Variants in TENT2 observed in about 807,000 individuals in gnomAD.
TENT2 encodes the protein terminal nucleotidyltransferase 2.
In TENT2, 44 loss-of-function variants were observed where a neutral mutation model predicts 72.2. The ratio of observed to expected loss-of-function variants is 0.61; its 90% confidence interval spans 0.48 to 0.78. TENT2 has a LOEUF of 0.78. Among genes scored for constraint, TENT2 ranks in the 30% least tolerant of loss-of-function variants. The pLI, the probability that TENT2 is intolerant of heterozygous loss-of-function variation, is 0.00. For synonymous variants in TENT2, 212 were observed against 192.5 expected, an observed-to-expected ratio of 1.10 and a Z score of -0.84; for missense variants, 541 against 569.6, an observed-to-expected ratio of 0.95 and a Z score of 0.51.
chr5:79,638,174 G>C (rs988167329), intron 4 of TENT2, among the ~76,000 whole-genome samples: 1 of 151,856 alleles, frequency 6.6e-6, no homozygotes, highest in Admixed American at 6.6e-5. Context: ...CTTTTATCTA[G>C]AGTAGAATTT....
intron 11 of TENT2, among the ~76,000 whole-genome samples, chr5:79,657,565 G>GA (rs1168756655): frequency 1.3e-5 from 2 of 152,086 alleles, no homozygotes; most frequent in Admixed American, 1.3e-4. Context: ...GTGGCCACTA[G>GA]AAAAAATTTA....
Position 79,640,839 on chromosome 5 carries a change from G to C in TENT2, c.466-12G>C. 6.4e-7 allele frequency: 1 copy of C among 1,555,734 alleles called. No individual in the cohort carries two copies. The highest frequency in any genetic ancestry group is 8.7e-7 in the Non-Finnish European group (1 of 1,145,878). ...GAACAAAACTTTTACTTTTTTTTGC[G>C]GTGGATTCAAGTTGAGTCAGCAGAT... On this transcript the variant is annotated splice_polypyrimidine_tract_variant and intron_variant, in intron 4 of 14. Transcript: ENST00000453514.
At chr5:79,616,716 G>A (rs1336648347) in intron 1 of TENT2, among the ~76,000 whole-genome samples, 1 of 152,200 alleles carries the variant, frequency 6.6e-6, no homozygotes, top group African/African-American at 2.4e-5. Context: ...GAGGAAATAT[G>A]ACAGGATTAT....
intron 11 of TENT2, among the ~76,000 whole-genome samples, chr5:79,659,473 A>G (rs759831654): frequency 6.1e-4 from 85 of 140,114 alleles, no homozygotes; most frequent in Non-Finnish European, 6.2e-4. Context: ...CGGAGGTTGC[A>G]GTGAGCCCAG....
intron 4 of TENT2, among the ~76,000 whole-genome samples, chr5:79,632,190 A>G (rs1307716276): frequency 6.6e-6 from 1 of 152,208 alleles, no homozygotes; most frequent in Non-Finnish European, 1.5e-5. Flanking sequence ...ATTCATTAAT[A>G]ATAATAGTGA....
rs1485701762 is a variant in TENT2 at position 79,612,462 on chromosome 5, C to T, written c.-651C>T. 6.6e-6 allele frequency: 1 copy of T among 151,812 alleles called. No individual in the cohort carries two copies. The highest frequency in any genetic ancestry group is 2.4e-5 in the African/African-American group (1 of 41,132). 9.4% of individuals were successfully genotyped at this position (151,812 alleles called of 1,614,324 possible). ...TCTCATCCGGGGTCACGTCGGTCTT[C>T]CGGGTGTCTTTGACAGGGTTTTCTA... On this transcript the variant is annotated 5_prime_UTR_variant, in exon 1 of 15. Transcript: ENST00000453514.
At chr5:79,672,233 A>G (rs553401063) in intron 12 of TENT2, among the ~76,000 whole-genome samples, 37 of 152,334 alleles carry the variant, frequency 2.4e-4, no homozygotes, top group African/African-American at 8.7e-4. Context: ...AGATATTTTG[A>G]TATAGGCATA....
chr5:79,643,728 A>G (rs1948762), intron 7 of TENT2, among the ~76,000 whole-genome samples: 30,706 of 151,924 alleles, frequency 0.2, 4,543 homozygotes, highest in African/African-American at 0.42. Flanking sequence ...TACCTACTTG[A>G]ATTTTTAATA....
At chr5:79,654,463 A>G (rs1467388110) in intron 10 of TENT2, among the ~76,000 whole-genome samples, 2 of 151,986 alleles carry the variant, frequency 1.3e-5, no homozygotes, top group Non-Finnish European at 2.9e-5. Flanking sequence ...AGGTAAGATC[A>G]TCAATTGGCT....
Position 79,680,273 on chromosome 5 carries a change from G to A in TENT2, c.1300+603G>A, listed in dbSNP as rs532695456. Among the ~76,000 whole-genome samples the A allele has an allele frequency of 2.0e-5, 3 of 152,128 alleles. No homozygotes were observed. In the South Asian group the frequency reaches 6.2e-4, roughly 31 times the overall value. On this transcript the variant is annotated intron_variant, in intron 13 of 14. Transcript: ENST00000453514. ...GCATTTGTAGAAAACATCAGATTTTGGATGTTTTAATCTTGAATTATATGC... is the reference window on the plus strand; with the variant it reads ...GCATTTGTAGAAAACATCAGATTTTAGATGTTTTAATCTTGAATTATATGC...
intron 10 of TENT2, among the ~76,000 whole-genome samples, chr5:79,651,101 T>C (rs1793597262): frequency 6.6e-6 from 1 of 152,006 alleles, no homozygotes; most frequent in Non-Finnish European, 1.5e-5. Flanking sequence ...AGAAAAAAAA[T>C]ACATTTCCCA....
intron 13 of TENT2, among the ~76,000 whole-genome samples, chr5:79,680,436 A>G (rs1451579530): frequency 1.3e-5 from 2 of 152,200 alleles, no homozygotes; most frequent in African/African-American, 4.8e-5. Flanking sequence ...TGATGATGCA[A>G]TTCAGTATAA....
intron 3 of TENT2, among the ~76,000 whole-genome samples, chr5:79,622,204 G>T (rs1255437251): frequency 6.6e-6 from 1 of 152,084 alleles, no homozygotes; most frequent in East Asian, 1.9e-4. Context: ...AGGCGGCTGA[G>T]GCAGGAGAAT....
intron 1 of TENT2, among the ~76,000 whole-genome samples, chr5:79,615,952 G>A (rs1221563803): frequency 3.3e-5 from 5 of 151,928 alleles, no homozygotes; most frequent in South Asian, 2.1e-4. Flanking sequence ...GCAGTGGTGC[G>A]ATCTCTGCTC....
At chr5:79,654,019 A>G (rs1034468116) in intron 10 of TENT2, among the ~76,000 whole-genome samples, 1 of 152,256 alleles carries the variant, frequency 6.6e-6, no homozygotes, top group Non-Finnish European at 1.5e-5. Context: ...GGTTAAAAAG[A>G]TTAACACATT....
chr5:79,636,326 A>C (rs577361504), intron 4 of TENT2, among the ~76,000 whole-genome samples: 2 of 152,208 alleles, frequency 1.3e-5, no homozygotes, highest in African/African-American at 2.4e-5. Flanking sequence ...TTAACAACAT[A>C]TGACTAATCT....
At chr5:79,657,640 C>G (rs1321349836) in intron 11 of TENT2, among the ~76,000 whole-genome samples, 2 of 151,948 alleles carry the variant, frequency 1.3e-5, no homozygotes, top group Non-Finnish European at 2.9e-5. Context: ...TATAAGAATC[C>G]TTGTGTTTCT....
intron 14 of TENT2, 134 bp downstream of exon 14, chr5:79,682,195 T>C (rs185039028): frequency 4.0e-4 from 206 of 510,090 alleles, no homozygotes; most frequent in African/African-American, 3.5e-3. Context: ...AGAGAACTTA[T>C]TATTTGAATT....
In TENT2 at chr5:79,658,579, C is replaced by A. The variant is rs1197121785; in HGVS notation, c.1071+1578C>A. Among the ~76,000 whole-genome samples the A allele has an allele frequency of 2.6e-5, 4 of 151,944 alleles. No homozygotes were observed. The East Asian group carries it at 7.7e-4, about 29-fold the overall frequency. Reference sequence around the variant, plus strand: ...AAAGGTCATATTTCATTTTATTGACCCAACCTCATCTTGCTTTAAGACACA... The same window carrying A: ...AAAGGTCATATTTCATTTTATTGACACAACCTCATCTTGCTTTAAGACACA... On this transcript the variant is annotated intron_variant, in intron 11 of 14. Transcript: ENST00000453514.
Sources: allele counts gnomAD v4.1 joint callset (sites outside exome capture counted in the v4.1 genomes callset), GRCh38; gene constraint gnomAD v4.1.1; transcripts MANE v1.5; gene names NCBI Gene and HGNC (gene_info 2026-07-23, HGNC 2026-07-21).